COBL: variants seen among roughly 807,000 people sequenced by gnomAD.
The protein encoded by COBL is cordon-bleu WH2 repeat protein, also known as protein cordon-bleu.
In COBL, 51 loss-of-function variants were observed where a neutral mutation model predicts 98.8. The observed-to-expected ratio is 0.52, with a 90% CI of 0.41 to 0.65. COBL has a LOEUF of 0.65. Ranked by LOEUF, COBL falls within the 30% of genes least tolerant of loss-of-function variation. COBL has a pLI of 0.00. For synonymous variants in COBL, 634 were observed against 651.7 expected, an observed-to-expected ratio of 0.97 and a Z score of 0.41; for missense variants, 1,617 against 1,617.5, an observed-to-expected ratio of 1.00 and a Z score of 0.01.
At chr7:51,172,824 T>G (rs1362964559) in intron 5 of COBL, among the ~76,000 whole-genome samples, 1 of 152,104 alleles carries the variant, frequency 6.6e-6, no homozygotes, top group East Asian at 1.9e-4. Context: ...TGTCTTGCTG[T>G]GTCGCCCGGG....
intron 1 of COBL, among the ~76,000 whole-genome samples, chr7:51,315,106 T>A (rs1563159150): frequency 6.6e-6 from 1 of 152,204 alleles, no homozygotes; most frequent in Non-Finnish European, 1.5e-5. Context: ...TTTAATAGGC[T>A]ATGAAAGCCA....
chr7:51,029,964 C>T (rs1233681043), intron 9 of COBL, among the ~76,000 whole-genome samples: 1 of 152,204 alleles, frequency 6.6e-6, no homozygotes, highest in Non-Finnish European at 1.5e-5. Context: ...AGAAGCACAA[C>T]AAAATCCAGA....
At chr7:51,062,333 G>C (rs1158032501) in intron 7 of COBL, among the ~76,000 whole-genome samples, 1 of 151,836 alleles carries the variant, frequency 6.6e-6, no homozygotes, top group Non-Finnish European at 1.5e-5. Flanking sequence ...ATACATCCAA[G>C]GAAACTTGCT....
chr7:51,119,740 T>C (rs1182963579), intron 6 of COBL, among the ~76,000 whole-genome samples: 1 of 152,250 alleles, frequency 6.6e-6, no homozygotes, highest in Non-Finnish European at 1.5e-5. Context: ...CTTAAAAATA[T>C]TCATCAATAT....
At chr7:51,220,498 G>C (rs1385054922) in intron 1 of COBL, among the ~76,000 whole-genome samples, 3 of 152,164 alleles carry the variant, frequency 2.0e-5, no homozygotes, top group African/African-American at 7.2e-5. Context: ...CTGTTTGGCA[G>C]GGAAAGGATG....
chr7:51,172,296 C>A (rs552926095), intron 5 of COBL, among the ~76,000 whole-genome samples: 1 of 152,278 alleles, frequency 6.6e-6, no homozygotes, highest in South Asian at 2.1e-4. Flanking sequence ...GTAGCATGGG[C>A]AACTAAAAAA....
At chr7:51,200,205 C>T (rs543088279) in intron 2 of COBL, among the ~76,000 whole-genome samples, 2 of 152,130 alleles carry the variant, frequency 1.3e-5, no homozygotes, top group Non-Finnish European at 2.9e-5. Flanking sequence ...ATAAGTCTTC[C>T]CCTGTCAAAA....
intron 2 of COBL, among the ~76,000 whole-genome samples, chr7:51,216,759 G>A (rs1269954573): frequency 1.3e-5 from 2 of 152,064 alleles, no homozygotes; most frequent in Non-Finnish European, 2.9e-5. Flanking sequence ...TTCATGTCAG[G>A]AAATAACACA....
At chr7:51,221,642 G>C (rs1041790036) in intron 1 of COBL, among the ~76,000 whole-genome samples, 3 of 152,124 alleles carry the variant, frequency 2.0e-5, no homozygotes, top group Admixed American at 1.3e-4. Flanking sequence ...TATAGCAATG[G>C]ATCATATAGC....
chr7:51,294,551 G>C (rs1239538434), intron 1 of COBL, among the ~76,000 whole-genome samples: 1 of 149,448 alleles, frequency 6.7e-6, no homozygotes, highest in East Asian at 2.0e-4. Flanking sequence ...GCTGAGGTGG[G>C]AGAATCACTT....
At chr7:51,115,794 T>A (rs1377581843) in intron 6 of COBL, among the ~76,000 whole-genome samples, 1 of 152,042 alleles carries the variant, frequency 6.6e-6, no homozygotes, top group Non-Finnish European at 1.5e-5. Flanking sequence ...CTAGTTGTTC[T>A]ATCTGAGAGA....
At chr7:51,195,419 C>G (rs2129060246) in intron 2 of COBL, among the ~76,000 whole-genome samples, 1 of 152,142 alleles carries the variant, frequency 6.6e-6, no homozygotes, top group Admixed American at 6.5e-5. Context: ...TTACTGTAGC[C>G]CTATAGTATA....
chr7:51,088,348 C>CCCT (rs1554379204), intron 6 of COBL, among the ~76,000 whole-genome samples: 1 of 150,972 alleles, frequency 6.6e-6, no homozygotes, highest in African/African-American at 2.4e-5. Flanking sequence ...ATTTCCCCCC[C>CCCT]TCTTGGAAAT....
intron 2 of COBL, among the ~76,000 whole-genome samples, chr7:51,207,972 T>C (rs1443026905): frequency 2.1e-5 from 3 of 140,870 alleles, no homozygotes; most frequent in African/African-American, 5.4e-5. Context: ...CGCCATCCCA[T>C]CTAGGAAGTG....
chr7:51,264,316 T>C (rs1797979553), intron 1 of COBL, among the ~76,000 whole-genome samples: 1 of 151,926 alleles, frequency 6.6e-6, no homozygotes, highest in Non-Finnish European at 1.5e-5. Flanking sequence ...GCACAGAGAG[T>C]GAGGACACCT....
intron 6 of COBL, among the ~76,000 whole-genome samples, chr7:51,123,762 T>C (rs1022817372): frequency 2.6e-5 from 4 of 152,222 alleles, no homozygotes; most frequent in African/African-American, 7.2e-5. Context: ...TCAGAATCTC[T>C]ATGTCTAACA....
chr7:51,273,544 T>C (rs536353996), intron 1 of COBL, among the ~76,000 whole-genome samples: 3 of 152,174 alleles, frequency 2.0e-5, no homozygotes, highest in Non-Finnish European at 4.4e-5. Context: ...CATCAGGGAA[T>C]GAAGCCTTGA....
intron 6 of COBL, among the ~76,000 whole-genome samples, chr7:51,088,400 GT>G (rs11293330): frequency 0.46 from 67,338 of 146,764 alleles, 15,739 homozygotes; most frequent in Middle Eastern, 0.63. Context: ...ATTAGTTACT[GT>G]TTTTTTTTTG....
chr7:51,051,218 A>G (rs1790203712), intron 7 of COBL, among the ~76,000 whole-genome samples: 1 of 152,212 alleles, frequency 6.6e-6, no homozygotes, highest in Non-Finnish European at 1.5e-5. Context: ...GTTTTCTAGC[A>G]TCTTGTGTCA....
Sources: gnomAD v4.1 joint callset for allele counts (sites outside exome capture counted in the v4.1 genomes callset) on GRCh38, gnomAD v4.1.1 for gene constraint, MANE v1.5 for transcripts, NCBI Gene and HGNC (gene_info 2026-07-23, HGNC 2026-07-21) for gene names.